The following HPSE2 variants were observed in gnomAD, a reference collection of about 807,000 sequenced individuals.
The protein encoded by HPSE2 is heparanase 2 (inactive).
HPSE2 carries 38 observed loss-of-function variants against 60.5 expected under a neutral mutation model. That is an observed-to-expected ratio of 0.63 (90% confidence interval 0.48 to 0.82). The LOEUF is 0.82. HPSE2 is among the 40% of genes least tolerant of loss of function. The pLI, the probability that HPSE2 is intolerant of heterozygous loss-of-function variation, is 0.00. For missense variants in HPSE2, 713 were observed against 740.4 expected (o/e 0.96, Z 0.43); for synonymous variants, 295 against 293.2 (o/e 1.01, Z -0.06).
At chr10:98,721,872 G>A (rs1442416707) in intron 4 of HPSE2, 44 bp from the exon 5 acceptor site, 1 of 1,520,886 alleles carries the variant, frequency 6.6e-7, no homozygotes. Context: ...GAAGTGTAAG[G>A]TTCTGCCAAC....
chr10:99,283,706 AAAGAG>A, the HPSE2 span, among the ~76,000 whole-genome samples: 1 of 152,148 alleles, frequency 6.6e-6, no homozygotes, highest in Non-Finnish European at 1.5e-5. Context: ...AAAAGGCTTA[AAAGAG>A]AATACTATGA....
rs543896532 is a variant in HPSE2, at chr10:98,986,848, G to C, written c.610+157390C>G. ...CCCACAGAAATACAAACTACCATCA[G>C]AGAATACTATAAACACCTCTACGGA... On this transcript the variant is annotated intron_variant, in intron 3 of 11. Coordinates refer to ENST00000370552, the MANE Select transcript of HPSE2 (RefSeq NM_021828.5). 7.9e-4 allele frequency among the ~76,000 whole-genome samples: 120 copies of C among 152,246 alleles called. No homozygotes were observed. The Middle Eastern group carries it at 0.01, about 13-fold the overall frequency.
the HPSE2 span, among the ~76,000 whole-genome samples, chr10:99,300,682 T>C: frequency 6.6e-6 from 1 of 152,316 alleles, no homozygotes; most frequent in East Asian, 1.9e-4. Context: ...CTCCTAACTT[T>C]AAGTGCTTTT....
At chr10:99,207,379 G>A (rs964704674) in intron 2 of HPSE2, among the ~76,000 whole-genome samples, 5 of 152,104 alleles carry the variant, frequency 3.3e-5, no homozygotes, top group Admixed American at 6.5e-5. Context: ...ATCACCAGAC[G>A]TGTCTTTTAA....
At chr10:98,659,898 A>G (rs905051769) in intron 6 of HPSE2, among the ~76,000 whole-genome samples, 3 of 152,238 alleles carry the variant, frequency 2.0e-5, no homozygotes, top group Non-Finnish European at 2.9e-5. Flanking sequence ...CTGATAATAG[A>G]TGCCAAGAGT....
chr10:99,234,292 C>G (rs1849767036), intron 1 of HPSE2, among the ~76,000 whole-genome samples: 2 of 152,172 alleles, frequency 1.3e-5, no homozygotes, highest in Admixed American at 6.5e-5. Context: ...TGGCGCCTCC[C>G]GCTACCTGCC....
chr10:98,506,884 G>C (rs943097576), intron 9 of HPSE2, among the ~76,000 whole-genome samples: 13 of 151,646 alleles, frequency 8.6e-5, no homozygotes, highest in African/African-American at 3.2e-4. Flanking sequence ...ATTTCCAAAA[G>C]TGTACATTAC....
intron 6 of HPSE2, among the ~76,000 whole-genome samples, chr10:98,665,855 A>G (rs983254415): frequency 2.0e-5 from 3 of 152,210 alleles, no homozygotes; most frequent in Non-Finnish European, 2.9e-5. Context: ...GCCCACAGAC[A>G]ATATAAAGCA....
At chr10:98,638,101 T>C (rs1946543793) in intron 7 of HPSE2, among the ~76,000 whole-genome samples, 1 of 123,074 alleles carries the variant, frequency 8.1e-6, no homozygotes, top group African/African-American at 3.2e-5. Flanking sequence ...ATCCTGCCAC[T>C]GCACTCCAAC....
intron 2 of HPSE2, among the ~76,000 whole-genome samples, chr10:99,207,743 T>C (rs997178539): frequency 6.6e-6 from 1 of 151,952 alleles, no homozygotes; most frequent in Non-Finnish European, 1.5e-5. Context: ...CTAAAATAAC[T>C]ATGTTTTTAT....
chr10:98,885,364 C>A (rs1490424702), intron 3 of HPSE2, among the ~76,000 whole-genome samples: 1 of 152,096 alleles, frequency 6.6e-6, no homozygotes, highest in Non-Finnish European at 1.5e-5. Flanking sequence ...GAAGTGACAG[C>A]AAAGTATTTA....
At position 98,721,704 on chromosome 10, in the gene HPSE2, G is replaced by T. The variant is rs1394586366; in HGVS notation, c.909C>A (p.Gly303=). 1.9e-6 allele frequency: 3 copies of T among 1,613,660 alleles called. No homozygotes were observed. Among genetic ancestry groups the T allele is most frequent in the Non-Finnish European group, 2.5e-6 (3 of 1,179,896 alleles). Residue 303 remains glycine, a synonymous_variant, in exon 5 of 12, where the codon GGC becomes GGA. Coordinates refer to ENST00000370552, the MANE Select transcript of HPSE2 (RefSeq NM_021828.5). ...IRIYSRASLY[G]PNIGRPRKNV... is the part of the protein sequence containing the mutation. ...TCTTCCTCGGCCGCCCAATATTAGG[G>T]CCATATAAGCTGGCTCTGGAATAAA...
the HPSE2 span, among the ~76,000 whole-genome samples, chr10:99,292,112 C>A: frequency 6.6e-6 from 1 of 152,130 alleles, no homozygotes; most frequent in Non-Finnish European, 1.5e-5. Flanking sequence ...CCTACATATC[C>A]TGTTGGTTTG....
chr10:98,497,653 C>T (rs1941892439), intron 9 of HPSE2, among the ~76,000 whole-genome samples: 2 of 152,024 alleles, frequency 1.3e-5, no homozygotes, highest in South Asian at 4.2e-4. Context: ...TTTCAGGGTG[C>T]ATGCAATAAT....
intron 3 of HPSE2, among the ~76,000 whole-genome samples, chr10:99,072,209 T>A (rs1331734295): frequency 6.6e-6 from 1 of 152,156 alleles, no homozygotes; most frequent in Admixed American, 6.5e-5. Flanking sequence ...TCCAAAAATC[T>A]ACGCAATACC....
chr10:98,831,198 A>G (rs116319168), intron 3 of HPSE2, among the ~76,000 whole-genome samples: 489 of 152,280 alleles, frequency 3.2e-3, no homozygotes, highest in African/African-American at 0.011. Context: ...TTTTTGCTAG[A>G]GTAAGCTGAG....
chr10:98,726,489 G>C (rs1299006159), intron 4 of HPSE2, among the ~76,000 whole-genome samples: 1 of 134,426 alleles, frequency 7.4e-6, no homozygotes, highest in Non-Finnish European at 1.6e-5. Context: ...CTGTTGTGGG[G>C]CAGGGGGAGG....
At chr10:98,682,106 G>A (rs911148992) in intron 6 of HPSE2, among the ~76,000 whole-genome samples, 1 of 152,136 alleles carries the variant, frequency 6.6e-6, no homozygotes, top group African/African-American at 2.4e-5. Context: ...GATCATGGGG[G>A]CGGATTTCTC....
At chr10:99,275,920 T>C in the HPSE2 span, among the ~76,000 whole-genome samples, 2 of 152,182 alleles carry the variant, frequency 1.3e-5, no homozygotes, top group South Asian at 2.1e-4. Flanking sequence ...GGTGTGTGTA[T>C]GTGATGTGCA....
Sources: allele counts gnomAD v4.1 joint callset (sites outside exome capture counted in the v4.1 genomes callset), GRCh38; gene constraint gnomAD v4.1.1; transcripts MANE v1.5; gene names NCBI Gene and HGNC (gene_info 2026-07-23, HGNC 2026-07-21).